The following MRPS22 variants were observed in gnomAD, a reference collection of about 807,000 sequenced individuals.
The protein encoded by MRPS22 is small ribosomal subunit protein mS22.
In MRPS22, 30 loss-of-function variants were observed where a neutral mutation model predicts 44.0. That is an observed-to-expected ratio of 0.68 (90% CI 0.51 to 0.93). MRPS22 has a LOEUF of 0.93. Ranked by LOEUF, MRPS22 falls within the 40% of genes least tolerant of loss-of-function variation. The pLI is 0.00. For missense variants in MRPS22, 447 were observed against 447.8 expected (o/e 1.00, Z 0.02); for synonymous variants, 165 against 154.4 (o/e 1.07, Z -0.51).
At chr3:139,344,794 T>G in intron 1 of MRPS22, 1 of 627,130 alleles carries the variant, frequency 1.6e-6, no homozygotes, top group South Asian at 1.8e-5. Context: ...CTTAAGTTTT[T>G]GATTGGAATA....
chr3:139,345,264 A>G (rs1453784898), intron 1 of MRPS22, among the ~76,000 whole-genome samples: 1 of 152,144 alleles, frequency 6.6e-6, no homozygotes, highest in Non-Finnish European at 1.5e-5. Context: ...ATTACATTTT[A>G]AAGAGATTAC....
At chr3:139,354,122 G>C (rs2107791075) in intron 6 of MRPS22, among the ~76,000 whole-genome samples, 1 of 152,308 alleles carries the variant, frequency 6.6e-6, no homozygotes, top group South Asian at 2.1e-4. Context: ...CTGAACAGAA[G>C]AGTGAGCTTA....
rs1941298617 is a variant in MRPS22, at chr3:139,357,118, T to C, written c.*104T>C. 2.1e-6 allele frequency: 2 copies of C among 968,440 alleles called. No individual in the cohort carries two copies. The highest frequency in any genetic ancestry group is 3.2e-6 in the Non-Finnish European group (2 of 629,214). 60.0% of individuals were successfully genotyped at this position (968,440 alleles called of 1,614,324 possible). Reference sequence around the variant, plus strand: ...GGCCAGATTAAAAGATATCAATTTGTAGTTCTCCCTACAAAGCAAAAATTA... The same window carrying C: ...GGCCAGATTAAAAGATATCAATTTGCAGTTCTCCCTACAAAGCAAAAATTA... On this transcript the variant is annotated 3_prime_UTR_variant, in exon 8 of 8. Coordinates refer to ENST00000680020, the MANE Select transcript of MRPS22 (RefSeq NM_020191.4).
intron 5 of MRPS22, chr3:139,352,441 TTTC>T (rs1164028180): frequency 9.8e-6 from 5 of 510,160 alleles, no homozygotes; most frequent in Non-Finnish European, 1.8e-5. Context: ...GCCAAAATTC[TTTC>T]TTAATAGAAT....
intron 5 of MRPS22, chr3:139,351,404 T>C: frequency 2.8e-6 from 1 of 358,610 alleles, no homozygotes; most frequent in Admixed American, 3.9e-5. Flanking sequence ...TGAAGTACAG[T>C]GTGTTTGTCT....
At position 139,351,007 on chromosome 3, in the gene MRPS22, G is replaced by C; in HGVS notation, c.679G>C (p.Val227Leu). 1 of 1,614,112 alleles carries C rather than the reference G, an allele frequency of 6.2e-7. No homozygotes were observed. Among genetic ancestry groups the C allele is most frequent in the Non-Finnish European group, 8.5e-7 (1 of 1,180,000 alleles). Reference sequence around the variant, plus strand: ...GTATAGCCAGGACAGGCATGTTGATGTCCTCAATCTCTGCTTTGCCCAGTT... The same window carrying C: ...GTATAGCCAGGACAGGCATGTTGATCTCCTCAATCTCTGCTTTGCCCAGTT... ...TMYSQDRHVDVLNLCFAQFEP... is the reference protein window; with the variant it reads ...TMYSQDRHVDLLNLCFAQFEP... Residue 227 changes from valine (V) to leucine (L), a missense_variant, in exon 5 of 8, where the codon GTC becomes CTC. By Grantham distance (32) the Val-to-Leu change is conservative. Transcript: ENST00000680020.
intron 2 of MRPS22, 117 bp downstream of exon 2, chr3:139,347,161 AC>A: frequency 8.4e-7 from 1 of 1,188,416 alleles, no homozygotes. Flanking sequence ...GAAAGGTAAT[AC>A]CAGGCATAGA....
chr3:139,348,996 A>G, intron 3 of MRPS22: 1 of 224,850 alleles, frequency 4.4e-6, no homozygotes. Flanking sequence ...ACGTTAGAAC[A>G]CTATAGAATG....
At chr3:139,348,966 T>G (rs560100090) in intron 3 of MRPS22, 10 of 178,676 alleles carry the variant, frequency 5.6e-5, no homozygotes, top group Non-Finnish European at 9.5e-5. Context: ...GAGAATAGTT[T>G]ACAATTCAGC....
chr3:139,349,282 A>G (rs1941103373), intron 3 of MRPS22: 1 of 433,578 alleles, frequency 2.3e-6, no homozygotes, highest in African/African-American at 2.1e-5. Flanking sequence ...CTTCTGAGGA[A>G]AAATTGTATT....
At position 139,348,541 on chromosome 3, in the gene MRPS22, A is replaced by G. The variant is rs17394620; in HGVS notation, c.504+217A>G. On this transcript the variant is annotated intron_variant, in intron 3 of 7. Transcript: ENST00000680020. ...TTTCTCAGCAGATAATAGGCACAGT[A>G]TTTTCCAGATTCCAGATGTGCTGAG... The G allele has an allele frequency of 0.08, 44,338 of 555,924 alleles. 1,941 individuals are homozygous for G. Among genetic ancestry groups the G allele is most frequent in the Middle Eastern group, 0.12 (240 of 2,020 alleles). The allele number at this position is 555,924 out of a possible 1,614,324, so 34.4% of individuals were successfully genotyped here.
At chr3:139,352,845 A>G in intron 6 of MRPS22, 53 bp downstream of exon 6, 4 of 1,569,214 alleles carry the variant, frequency 2.5e-6, no homozygotes, top group Non-Finnish European at 3.5e-6. Flanking sequence ...CTAACAGTTC[A>G]TCTGTATTTA....
Position 139,344,068 on chromosome 3 carries a change from G to C in MRPS22, c.42G>C (p.Leu14Phe). 6.2e-7 allele frequency: 1 copy of C among 1,614,160 alleles called. No homozygotes were observed. Among genetic ancestry groups the C allele is most frequent in the Non-Finnish European group, 8.5e-7 (1 of 1,180,040 alleles). ...LGTTVLLWSL[L>F]RSSPGVERVC... ...CAACTGTATTGCTGTGGAGCCTCTT[G>C]AGGAGTTCTCCGGGCGTGGAACGGG... is the stretch of plus-strand genomic sequence containing the variant. The change falls in exon 1 of 8, where the codon TTG (leucine) becomes TTC (phenylalanine). Residue 14 changes from leucine (L) to phenylalanine (F), a missense_variant. Coordinates refer to ENST00000680020, the MANE Select transcript of MRPS22 (RefSeq NM_020191.4).
rs1323902759 is a variant in MRPS22 at position 139,356,973 on chromosome 3, A to C, written c.1042A>C (p.Thr348Pro). The change falls in exon 8 of 8, where the codon ACT becomes CCT. Residue 348 changes from threonine to proline, a missense_variant. Coordinates refer to ENST00000680020, the MANE Select transcript of MRPS22 (RefSeq NM_020191.4). ...AGCCTATATAGAACTAACACTGCAG[A>C]CTTATCAAGAAGCACTCAGTCGCCA... Reference protein sequence around the residue: ...KGAYIELTLQTYQEALSRHSA... With the variant: ...KGAYIELTLQPYQEALSRHSA... 1 of 1,613,128 alleles carries C rather than the reference A, an allele frequency of 6.2e-7. No homozygotes were observed. Among genetic ancestry groups the C allele is most frequent in the Admixed American group, 1.7e-5 (1 of 60,026 alleles).
chr3:139,349,180 T>C (rs1941102131), intron 3 of MRPS22: 1 of 359,106 alleles, frequency 2.8e-6, no homozygotes, highest in African/African-American at 2.2e-5. Flanking sequence ...TTAATATATG[T>C]TTGCAGTGCT....
At chr3:139,354,929 ATTGT>A (rs751776777) in intron 6 of MRPS22, among the ~76,000 whole-genome samples, 8 of 152,106 alleles carry the variant, frequency 5.3e-5, no homozygotes, top group Non-Finnish European at 1.0e-4. Flanking sequence ...AAAGATAGTG[ATTGT>A]TTGGTTTTGC....
At chr3:139,345,457 T>TC (rs896022464) in intron 1 of MRPS22, among the ~76,000 whole-genome samples, 12 of 148,790 alleles carry the variant, frequency 8.1e-5, no homozygotes, top group Admixed American at 8.0e-4. Context: ...TTTGTTTTTT[T>TC]TTTTTTTTTG....
chr3:139,355,787 C>G lies in MRPS22; in HGVS notation c.984C>G (p.Ile328Met). 1 of 1,612,698 alleles carries G rather than the reference C, an allele frequency of 6.2e-7. No individual in the cohort carries two copies. The highest frequency in any genetic ancestry group is 8.5e-7 in the Non-Finnish European group (1 of 1,178,788). The change falls in exon 7 of 8, where the codon ATC becomes ATG. Residue 328 changes from isoleucine (I) to methionine (M), a missense_variant. Transcript: ENST00000680020. ...KDQAAEGINL[I>M]KVFAKTEAQK... ...AGGCTGCTGAGGGAATAAATTTAATCAAGGTAAAGTTTTTTTTTCATATTG... is the reference window on the plus strand; with the variant it reads ...AGGCTGCTGAGGGAATAAATTTAATGAAGGTAAAGTTTTTTTTTCATATTG...
chr3:139,355,718 C>CGT lies in MRPS22; in HGVS notation c.917_918dup (p.Leu307CysfsTer20). The stretch of plus-strand genomic sequence containing the variant: ...CAACCAACTTGGTCCAGCTGTATCA[C>CGT]GTGCTCCATCCAGATGGCCAGTCGG... On this transcript the variant is annotated frameshift_variant, in exon 7 of 8. Coordinates refer to ENST00000680020, the MANE Select transcript of MRPS22 (RefSeq NM_020191.4). LOFTEE classifies it high-confidence loss of function. 6.2e-7 allele frequency: 1 copy of CGT among 1,614,140 alleles called. No individual in the cohort carries two copies. The highest frequency in any genetic ancestry group is 8.5e-7 in the Non-Finnish European group (1 of 1,179,988).
Sources: allele counts gnomAD v4.1 joint callset (sites outside exome capture counted in the v4.1 genomes callset), GRCh38; gene constraint gnomAD v4.1.1; transcripts MANE v1.5; gene names NCBI Gene and HGNC (gene_info 2026-07-23, HGNC 2026-07-21).